MARCHF8: variants seen among roughly 807,000 people sequenced by gnomAD.
MARCHF8 encodes membrane associated ring-CH-type finger 8.
A neutral mutation model predicts 51.6 loss-of-function variants in MARCHF8; 40 were observed. That is an observed-to-expected ratio of 0.77 (90% confidence interval 0.60 to 1.01). The LOEUF is 1.01. MARCHF8 is among the 50% of genes least tolerant of loss of function. MARCHF8 has a pLI of 0.00. For synonymous variants in MARCHF8, 263 were observed against 280.3 expected, an observed-to-expected ratio of 0.94 and a Z score of 0.62; for missense variants, 685 against 708.6, an observed-to-expected ratio of 0.97 and a Z score of 0.38.
chr10:45,537,652 CAAAA>C (rs559861085), upstream of MARCHF8, among the ~76,000 whole-genome samples: 1 of 78,158 alleles, frequency 1.3e-5, no homozygotes, highest in Non-Finnish European at 2.6e-5. Context: ...GACCTTGTCT[CAAAA>C]AAAAAAAAAA....
intron 3 of MARCHF8, among the ~76,000 whole-genome samples, chr10:45,468,329 T>C (rs17157839): frequency 0.062 from 9,432 of 152,286 alleles, 331 homozygotes; most frequent in Non-Finnish European, 0.067. Flanking sequence ...CAGTTGATAG[T>C]GCACACATCC....
intron 1 of MARCHF8, among the ~76,000 whole-genome samples, chr10:45,574,181 C>T (rs2044463756): frequency 6.6e-6 from 1 of 152,154 alleles, no homozygotes; most frequent in Admixed American, 6.5e-5. Context: ...CCTTACCCCA[C>T]TTAATGCCAA....
At chr10:45,575,097 G>A (rs2044474319) in intron 1 of MARCHF8, among the ~76,000 whole-genome samples, 1 of 152,098 alleles carries the variant, frequency 6.6e-6, no homozygotes, top group Admixed American at 6.5e-5. Flanking sequence ...GCCATCAAAA[G>A]GCATCAGATC....
chr10:45,459,036 G>A (rs1471691251), intron 7 of MARCHF8, 84 bp downstream of exon 7: 1 of 1,559,870 alleles, frequency 6.4e-7, no homozygotes, highest in Non-Finnish European at 8.7e-7. Flanking sequence ...GACGTTTTTG[G>A]CTAACTGGAA....
At chr10:45,557,129 T>C (rs530758972) in intron 1 of MARCHF8, among the ~76,000 whole-genome samples, 2 of 142,812 alleles carry the variant, frequency 1.4e-5, no homozygotes, top group East Asian at 2.0e-4. Flanking sequence ...TTTTTTTTTT[T>C]TTTTTTTTTT....
chr10:45,534,704 G>T (rs2043946566), intron 1 of MARCHF8, among the ~76,000 whole-genome samples: 1 of 152,226 alleles, frequency 6.6e-6, no homozygotes, highest in Middle Eastern at 3.4e-3. Context: ...TAGGGGGTGG[G>T]GACAGGTGAG....
rs1367458552 is a variant in MARCHF8, at chr10:45,464,341, C to T, written c.154-14G>A. 6.2e-7 allele frequency: 1 copy of T among 1,613,080 alleles called. No homozygotes were observed. Among genetic ancestry groups the T allele is most frequent in the Non-Finnish European group, 8.5e-7 (1 of 1,179,042 alleles). ...AGGACTCCCAGCCTGCAATGACAGACCTGTGGTCAGTGTTCAGGTAAGAGC... is the reference window on the plus strand; with the variant it reads ...AGGACTCCCAGCCTGCAATGACAGATCTGTGGTCAGTGTTCAGGTAAGAGC... On this transcript the variant is annotated splice_polypyrimidine_tract_variant and intron_variant, in intron 3 of 7. Transcript: ENST00000453424.
At chr10:45,537,376 G>A (rs929997170), upstream of MARCHF8, among the ~76,000 whole-genome samples, 3 of 152,236 alleles carry the variant, frequency 2.0e-5, no homozygotes, top group African/African-American at 7.2e-5. Context: ...AAGTAGGCCA[G>A]GTGTGGTGGT....
intron 1 of MARCHF8, among the ~76,000 whole-genome samples, chr10:45,558,139 T>C (rs2044272512): frequency 6.6e-6 from 1 of 152,206 alleles, no homozygotes; most frequent in South Asian, 2.1e-4. Flanking sequence ...TTCAGAAGCA[T>C]GACTCCTAGC....
At chr10:45,476,108 G>A (rs1399156713) in intron 3 of MARCHF8, among the ~76,000 whole-genome samples, 1 of 152,128 alleles carries the variant, frequency 6.6e-6, no homozygotes, top group Non-Finnish European at 1.5e-5. Context: ...AACTAGAAGA[G>A]ACTGTTACAC....
At position 45,463,484 on chromosome 10, in the gene MARCHF8, G is replaced by A. The variant is rs1167457510; in HGVS notation, c.755C>T (p.Thr252Met). The A allele has an allele frequency of 3.2e-6, 5 of 1,550,498 alleles. No individual in the cohort carries two copies. Among genetic ancestry groups the A allele is most frequent in the Admixed American group, 2.0e-5 (1 of 50,980 alleles). Reference sequence around the variant, plus strand: ...CTGGAGCAGTTGCCGGCTTCGGGACGTGGCCTCACCATCCGCCTTCTCTTC... The same window carrying A: ...CTGGAGCAGTTGCCGGCTTCGGGACATGGCCTCACCATCCGCCTTCTCTTC... ...LLEEKADGEA[T>M]SRSRQLLQYL... The change falls in exon 5 of 8, where the codon ACG (threonine) becomes ATG (methionine). Residue 252 changes from threonine (T) to methionine (M), a missense_variant. By Grantham distance (81) the Thr-to-Met change is moderately conservative. Transcript: ENST00000453424.
In MARCHF8 at chr10:45,463,641, T is replaced by A; in HGVS notation, c.598A>T (p.Lys200Ter). 1 of 1,550,716 alleles carries A rather than the reference T, an allele frequency of 6.4e-7. No individual in the cohort carries two copies. The highest frequency in any genetic ancestry group is 8.7e-7 in the Non-Finnish European group (1 of 1,147,010). Residue 200 changes from lysine (K) to a stop codon, truncating the protein, a stop_gained, in exon 5 of 8, where the codon AAA (lysine) becomes TAA (stop). Coordinates refer to ENST00000453424, the MANE Select transcript of MARCHF8 (RefSeq NM_001282866.2). LOFTEE classifies it high-confidence loss of function. ...TCLRTNRFHH[K>*]EKRTLNHKPL... is the part of the protein sequence containing the mutation. ...TTGTGGTTCAGGGTTCTTTTTTCTT[T>A]ATGATGAAACCTGTTAGTTCTGAGA... is the stretch of plus-strand genomic sequence containing the variant.
intron 2 of MARCHF8, among the ~76,000 whole-genome samples, chr10:45,497,041 AAC>A (rs1714759892): frequency 6.6e-6 from 1 of 152,140 alleles, no homozygotes. Flanking sequence ...GATGTACAAT[AAC>A]ACAAAATCCA....
rs755494526 is a variant in MARCHF8 at position 45,459,286 on chromosome 10, G to A, written c.1270-19C>T. The A allele has an allele frequency of 8.7e-6, 14 of 1,612,172 alleles. No homozygotes were observed. The East Asian group carries it at 2.0e-4, about 23-fold the overall frequency. ...TCTCCCACTAGAAAGACAACACAGA[G>A]TGTGAGGCTCAGGCTTCTGGGGAAG... On this transcript the variant is annotated intron_variant, in intron 6 of 7. Transcript: ENST00000453424.
At chr10:45,557,526 T>C (rs2044265991) in intron 1 of MARCHF8, among the ~76,000 whole-genome samples, 1 of 152,112 alleles carries the variant, frequency 6.6e-6, no homozygotes, top group South Asian at 2.1e-4. Context: ...TTTCTGACAA[T>C]ATACATTGTG....
chr10:45,508,289 A>G (rs2043425249), intron 2 of MARCHF8, among the ~76,000 whole-genome samples: 1 of 151,412 alleles, frequency 6.6e-6, no homozygotes, highest in Non-Finnish European at 1.5e-5. Context: ...TCTGAGATTT[A>G]TAAGAGGGCC....
intron 2 of MARCHF8, among the ~76,000 whole-genome samples, chr10:45,527,420 GAA>G (rs1301995968): frequency 2.0e-5 from 3 of 151,902 alleles, no homozygotes; most frequent in Admixed American, 2.0e-4. Context: ...AATCAGAAAT[GAA>G]AAAGACACTA....
At chr10:45,570,908 C>T (rs2044421089) in intron 1 of MARCHF8, among the ~76,000 whole-genome samples, 1 of 151,924 alleles carries the variant, frequency 6.6e-6, no homozygotes, top group Non-Finnish European at 1.5e-5. Context: ...TACTGAAAAC[C>T]ACAAAACACT....
rs188477963 is a variant in MARCHF8 at position 45,557,026 on chromosome 10, C to T, written c.-78-23737G>A. ...GTGTACAGCATTCAACAGTGTTAAG[C>T]ATATTCACATGGTTGTGAAACAGAT... On this transcript the variant is annotated intron_variant, in intron 1 of 6. Transcript: ENST00000319836. Among the ~76,000 whole-genome samples the T allele has an allele frequency of 1.5e-4, 22 of 151,210 alleles. No homozygotes were observed. The East Asian group carries it at 4.3e-3, about 29-fold the overall frequency.
Sources: allele counts gnomAD v4.1 joint callset (sites outside exome capture counted in the v4.1 genomes callset), GRCh38; gene constraint gnomAD v4.1.1; transcripts MANE v1.5; gene names NCBI Gene and HGNC (gene_info 2026-07-23, HGNC 2026-07-21).